Variants in EDA observed in about 807,000 individuals in gnomAD.
EDA encodes the protein ectodysplasin-A.
EDA carries 2 observed loss-of-function variants against 23.6 expected under a neutral mutation model. The observed-to-expected ratio is 0.08, with a 90% CI of 0.03 to 0.27. EDA has a LOEUF of 0.27. Among genes scored for constraint, EDA ranks in the 10% least tolerant of loss-of-function variants. The probability of loss-of-function intolerance (pLI) is 1.00; values close to 1 mark genes in which losing one functional copy is unlikely to be tolerated. For synonymous variants in EDA, 131 were observed against 132.0 expected (o/e 0.99, Z 0.05); for missense variants, 229 against 324.2 (o/e 0.71, Z 2.26).
chrX:69,737,601 G>T (rs746572309), intron 1 of EDA, among the ~76,000 whole-genome samples: 1 of 111,901 alleles, frequency 8.9e-6, no homozygotes, highest in Admixed American at 9.5e-5. Context: ...GCTTTACATA[G>T]TTATTTATCT....
intron 1 of EDA, among the ~76,000 whole-genome samples, chrX:69,801,215 C>G (rs1183823114): frequency 9.0e-6 from 1 of 111,010 alleles, no homozygotes; most frequent in Non-Finnish European, 1.9e-5. Context: ...GGGTCTTGCT[C>G]TATCGCCCAG....
At chrX:70,005,407 T>C (rs970405621) in intron 2 of EDA, among the ~76,000 whole-genome samples, 1 of 111,255 alleles carries the variant, frequency 9.0e-6, no homozygotes, top group Non-Finnish European at 1.9e-5. Flanking sequence ...TCAACAAACA[T>C]TTTTATTGAA....
intron 2 of EDA, among the ~76,000 whole-genome samples, chrX:69,967,509 A>G (rs762243638): frequency 8.9e-6 from 1 of 111,889 alleles, no homozygotes; most frequent in East Asian, 2.8e-4. Context: ...CAAGATATGC[A>G]TCTGAAGCTC....
intron 1 of EDA, among the ~76,000 whole-genome samples, chrX:69,743,887 GC>G (rs1383486136): frequency 8.9e-6 from 1 of 111,734 alleles, no homozygotes; most frequent in Admixed American, 9.5e-5. Context: ...TAAACTTCAT[GC>G]TATGTGGGAT....
At chrX:69,946,022 C>T (rs1487683903) in intron 1 of EDA, among the ~76,000 whole-genome samples, 1 of 112,076 alleles carries the variant, frequency 8.9e-6, no homozygotes, top group African/African-American at 3.2e-5. Flanking sequence ...AGCATTGCAG[C>T]TTTGGATTTG....
chrX:69,657,236 T>C (rs1933348614), intron 1 of EDA, among the ~76,000 whole-genome samples: 1 of 112,313 alleles, frequency 8.9e-6, no homozygotes, highest in Non-Finnish European at 1.9e-5. Context: ...GATTTGCATT[T>C]TTCTGGTGAT....
chrX:69,789,502 G>A (rs191134064), intron 1 of EDA, among the ~76,000 whole-genome samples: 2 of 112,129 alleles, frequency 1.8e-5, no homozygotes, highest in African/African-American at 3.2e-5. Flanking sequence ...TGCACCAGCT[G>A]TATCTATTTC....
chrX:69,998,825 C>G (rs867300223), intron 2 of EDA, among the ~76,000 whole-genome samples: 1 of 111,892 alleles, frequency 8.9e-6, no homozygotes, highest in Middle Eastern at 4.7e-3. Flanking sequence ...TTTCTCTTGT[C>G]TGCCACCATG....
At chrX:69,816,220 A>C (rs1163926293) in intron 1 of EDA, among the ~76,000 whole-genome samples, 1 of 112,035 alleles carries the variant, frequency 8.9e-6, no homozygotes, top group Non-Finnish European at 1.9e-5. Context: ...TCAAAGGTAG[A>C]TAAGCCCACA....
chrX:69,715,013 T>C (rs1208943651), intron 1 of EDA, among the ~76,000 whole-genome samples: 3 of 109,990 alleles, frequency 2.7e-5, no homozygotes, highest in Non-Finnish European at 5.7e-5. Flanking sequence ...TTCCAATCAA[T>C]GAACACAATA....
intron 1 of EDA, among the ~76,000 whole-genome samples, chrX:69,745,861 A>T (rs1036258778): frequency 9.0e-6 from 1 of 110,950 alleles, no homozygotes; most frequent in African/African-American, 3.3e-5. Context: ...GGTAGTGGGC[A>T]CCTGTAATCC....
chrX:69,686,779 G>A (rs756685284), intron 1 of EDA, among the ~76,000 whole-genome samples: 2 of 111,493 alleles, frequency 1.8e-5, no homozygotes, highest in Non-Finnish European at 3.8e-5. Flanking sequence ...TTTTATGGTT[G>A]AATGATATTC....
intron 1 of EDA, among the ~76,000 whole-genome samples, chrX:69,750,050 GGTACATGT>G (rs1306181377): frequency 9.6e-6 from 1 of 104,417 alleles, no homozygotes; most frequent in East Asian, 3.0e-4. Context: ...TAAGTTCTAG[GGTACATGT>G]GTACAACGTG....
chrX:69,763,508 A>G (rs971430426), intron 1 of EDA, among the ~76,000 whole-genome samples: 2 of 112,238 alleles, frequency 1.8e-5, no homozygotes, highest in Non-Finnish European at 3.8e-5. Context: ...TCTAGATTGA[A>G]TGGTAAACTA....
chrX:69,897,018 A>G (rs2018026604), intron 1 of EDA, among the ~76,000 whole-genome samples: 1 of 111,543 alleles, frequency 9.0e-6, no homozygotes, highest in Non-Finnish European at 1.9e-5. Flanking sequence ...GGATTTTTCT[A>G]AGGTAAATGA....
At chrX:69,816,132 TAAAAAC>T (rs1271625290) in intron 1 of EDA, among the ~76,000 whole-genome samples, 1 of 110,286 alleles carries the variant, frequency 9.1e-6, no homozygotes, top group Non-Finnish European at 1.9e-5. Context: ...ACTGTTAAAA[TAAAAAC>T]AAACAGAAAA....
In EDA at chrX:70,024,894, A is replaced by T. The variant is rs1289476985; in HGVS notation, c.526+1653A>T. ...TCTTTCATCTAACACTACATAGGGTATGTTTCTAAGTACAAACGTCTCTGG... is the reference window on the plus strand; with the variant it reads ...TCTTTCATCTAACACTACATAGGGTTTGTTTCTAAGTACAAACGTCTCTGG... On this transcript the variant is annotated intron_variant, in intron 3 of 7. Transcript: ENST00000374552. 7.1e-5 allele frequency among the ~76,000 whole-genome samples: 8 copies of T among 112,188 alleles called. No individual in the cohort carries two copies. The Admixed American group carries it at 7.5e-4, about 11-fold the overall frequency.
chrX:69,900,322 T>G (rs751063590), intron 1 of EDA, among the ~76,000 whole-genome samples: 1 of 108,421 alleles, frequency 9.2e-6, no homozygotes, highest in Admixed American at 9.9e-5. Context: ...TAAATATATA[T>G]ATCATATGTA....
intron 2 of EDA, among the ~76,000 whole-genome samples, chrX:70,010,407 AAATT>A (rs1770063519): frequency 8.9e-6 from 1 of 112,290 alleles, no homozygotes; most frequent in South Asian, 3.6e-4. Context: ...GCTTTGTCTG[AAATT>A]AATACAGCTA....
Sources: gnomAD v4.1 joint callset for allele counts (sites outside exome capture counted in the v4.1 genomes callset) on GRCh38, gnomAD v4.1.1 for gene constraint, MANE v1.5 for transcripts, NCBI Gene and HGNC (gene_info 2026-07-23, HGNC 2026-07-21) for gene names.